Variants in RSU1 observed in about 807,000 individuals in gnomAD.
RSU1 encodes rsu-1.
Under a neutral mutation model 31.1 loss-of-function variants are expected in RSU1, and 26 were observed. The ratio of observed to expected loss-of-function variants is 0.84; its 90% confidence interval spans 0.61 to 1.16. The LOEUF (loss-of-function observed/expected upper bound fraction) is 1.16. Ranked by LOEUF, RSU1 falls within the 50% of genes most tolerant of loss-of-function variation. The probability of loss-of-function intolerance (pLI) is 0.00; values close to 1 mark genes in which losing one functional copy is unlikely to be tolerated. For missense variants in RSU1, 320 were observed against 339.1 expected (o/e 0.94, Z 0.44); for synonymous variants, 164 against 136.3 (o/e 1.20, Z -1.41).
chr10:16,792,194 T>G (rs1230570917), intron 2 of RSU1, among the ~76,000 whole-genome samples: 1 of 152,192 alleles, frequency 6.6e-6, no homozygotes, highest in African/African-American at 2.4e-5. Flanking sequence ...GCATTCCGAA[T>G]GAAAGCCACT....
At chr10:16,813,469 A>G (rs879518599) in intron 2 of RSU1, among the ~76,000 whole-genome samples, 2 of 152,238 alleles carry the variant, frequency 1.3e-5, no homozygotes, top group Non-Finnish European at 2.9e-5. Context: ...ATAGCTGGAT[A>G]TTCATATTAA....
chr10:16,716,424 C>A (rs1025215903), intron 7 of RSU1, among the ~76,000 whole-genome samples: 16 of 152,106 alleles, frequency 1.1e-4, no homozygotes, highest in Non-Finnish European at 1.9e-4. Context: ...CATGGCTGAT[C>A]CTAAGCAGTT....
chr10:16,747,322 T>C (rs1327158892), intron 7 of RSU1, among the ~76,000 whole-genome samples: 1 of 152,170 alleles, frequency 6.6e-6, no homozygotes, highest in Non-Finnish European at 1.5e-5. Flanking sequence ...AGACGTCTCT[T>C]CTGGACTCTA....
intron 2 of RSU1, among the ~76,000 whole-genome samples, chr10:16,785,254 C>T (rs1249786500): frequency 2.6e-5 from 4 of 151,906 alleles, no homozygotes; most frequent in South Asian, 2.1e-4. Context: ...GCTGGATGCT[C>T]GCTGCCCTCG....
chr10:16,672,369 A>G (rs1835124891), intron 8 of RSU1, among the ~76,000 whole-genome samples: 1 of 152,150 alleles, frequency 6.6e-6, no homozygotes. Context: ...CTAGGTGTTT[A>G]CCCAAGAGAA....
intron 2 of RSU1, among the ~76,000 whole-genome samples, chr10:16,810,740 T>C (rs371087788): frequency 8.3e-4 from 126 of 152,314 alleles, no homozygotes; most frequent in African/African-American, 3.0e-3. Context: ...ACAATAGTCA[T>C]GCACCGCTTA....
chr10:16,707,303 G>A (rs1232012269), intron 7 of RSU1, among the ~76,000 whole-genome samples: 1 of 152,016 alleles, frequency 6.6e-6, no homozygotes, highest in Non-Finnish European at 1.5e-5. Flanking sequence ...TTAATTTTTT[G>A]AAGGATCTCC....
chr10:16,620,672 C>T (rs987830673), intron 8 of RSU1, among the ~76,000 whole-genome samples: 4 of 151,972 alleles, frequency 2.6e-5, no homozygotes, highest in Non-Finnish European at 5.9e-5. Flanking sequence ...GGTGAAACCC[C>T]GTCTCTACTA....
intron 7 of RSU1, among the ~76,000 whole-genome samples, chr10:16,740,820 T>C (rs1476828563): frequency 6.6e-6 from 1 of 152,124 alleles, no homozygotes; most frequent in South Asian, 2.1e-4. Context: ...TCTAAATAAA[T>C]GGAAAAAATA....
intron 8 of RSU1, among the ~76,000 whole-genome samples, chr10:16,681,035 A>C (rs1467726494): frequency 6.6e-6 from 1 of 152,248 alleles, no homozygotes; most frequent in African/African-American, 2.4e-5. Context: ...TAGCAGTCTT[A>C]GCCTTATAGT....
chr10:16,734,046 C>A (rs1345612038), intron 7 of RSU1, among the ~76,000 whole-genome samples: 1 of 152,214 alleles, frequency 6.6e-6, no homozygotes, highest in African/African-American at 2.4e-5. Flanking sequence ...CCTCTTCCAA[C>A]ACGACTCCAA....
At chr10:16,760,074 T>C (rs552054582) in intron 4 of RSU1, among the ~76,000 whole-genome samples, 1 of 152,300 alleles carries the variant, frequency 6.6e-6, no homozygotes, top group South Asian at 2.1e-4. Flanking sequence ...ACTGGGAGTT[T>C]TGTTCAAACT....
chr10:16,676,699 G>T (rs1049029418), intron 8 of RSU1, among the ~76,000 whole-genome samples: 10 of 152,158 alleles, frequency 6.6e-5, no homozygotes, highest in Non-Finnish European at 1.3e-4. Flanking sequence ...TGTCACGTCA[G>T]CACTCAAAAA....
At chr10:16,741,056 A>T (rs957867605) in intron 7 of RSU1, among the ~76,000 whole-genome samples, 2 of 152,246 alleles carry the variant, frequency 1.3e-5, no homozygotes, top group Non-Finnish European at 2.9e-5. Context: ...CCCAATTTAA[A>T]AACTTACTAC....
chr10:16,709,295 T>A (rs184521661), intron 7 of RSU1, among the ~76,000 whole-genome samples: 5,189 of 152,260 alleles, frequency 0.034, 301 homozygotes, highest in African/African-American at 0.12. Context: ...GATTTCCAAT[T>A]TCATCCATGT....
chr10:16,743,462 T>C (rs914634367), intron 7 of RSU1, among the ~76,000 whole-genome samples: 2 of 152,270 alleles, frequency 1.3e-5, no homozygotes, highest in Non-Finnish European at 2.9e-5. Flanking sequence ...GAAACTCTTC[T>C]GCAAATTACG....
chr10:16,672,586 T>C (rs1287208268), intron 8 of RSU1, among the ~76,000 whole-genome samples: 1 of 151,352 alleles, frequency 6.6e-6, no homozygotes, highest in East Asian at 1.9e-4. Flanking sequence ...ACTCTCAAAA[T>C]ACTTATGCTG....
Position 16,592,446 on chromosome 10 carries a change from T to C in RSU1, c.*948A>G, listed in dbSNP as rs978756513. 1.3e-5 allele frequency: 2 copies of C among 152,202 alleles called. No homozygotes were observed. Among genetic ancestry groups the C allele is most frequent in the African/African-American group, 2.4e-5 (1 of 41,460 alleles). 9.4% of individuals were successfully genotyped at this position (152,202 alleles called of 1,614,324 possible). ...TGATTGTTTAATGACTCTGCAACTG[T>C]GGTTTCCACCCTGGGTGTGGTGTAG... On this transcript the variant is annotated 3_prime_UTR_variant, in exon 9 of 9. Coordinates refer to ENST00000345264, the MANE Select transcript of RSU1 (RefSeq NM_012425.4).
intron 7 of RSU1, among the ~76,000 whole-genome samples, chr10:16,726,540 C>T (rs1440433810): frequency 1.3e-5 from 2 of 152,168 alleles, no homozygotes; most frequent in East Asian, 1.9e-4. Context: ...GCTGGGATTA[C>T]AGGCGTGAGC....
Sources: allele counts gnomAD v4.1 joint callset (sites outside exome capture counted in the v4.1 genomes callset), GRCh38; gene constraint gnomAD v4.1.1; transcripts MANE v1.5; gene names NCBI Gene and HGNC (gene_info 2026-07-23, HGNC 2026-07-21).